Variants in GRIA1 observed in about 807,000 individuals in gnomAD.
The protein encoded by GRIA1 is glutamate receptor 1.
Under a neutral mutation model 99.2 loss-of-function variants are expected in GRIA1, and 31 were observed. The ratio of observed to expected loss-of-function variants is 0.31; its 90% CI spans 0.23 to 0.42. GRIA1 has a LOEUF of 0.42. GRIA1 is among the 10% of genes least tolerant of loss of function. GRIA1 has a pLI of 1.00. For synonymous variants in GRIA1, 438 were observed against 432.4 expected, an observed-to-expected ratio of 1.01 and a Z score of -0.16; for missense variants, 782 against 1,157.5, an observed-to-expected ratio of 0.68 and a Z score of 4.71.
At position 153,702,683 on chromosome 5, in the gene GRIA1, C is replaced by T. The variant is rs533384826; in HGVS notation, c.1453-3014C>T. Among the ~76,000 whole-genome samples the T allele has an allele frequency of 2.0e-5, 3 of 152,328 alleles. No homozygotes were observed. In the South Asian group the frequency reaches 6.2e-4, roughly 32 times the overall value. On this transcript the variant is annotated intron_variant, in intron 10 of 15. Coordinates refer to ENST00000285900, the MANE Select transcript of GRIA1 (RefSeq NM_000827.4). ...ATTAGAAATGCAGATGTTCACATCT[C>T]ACCCCAGGCCCACTGAATCTAGAAA...
intron 13 of GRIA1, among the ~76,000 whole-genome samples, chr5:153,773,741 C>T (rs943496472): frequency 2.2e-4 from 34 of 152,138 alleles, no homozygotes; most frequent in Admixed American, 1.2e-3. Flanking sequence ...AGATCACTGA[C>T]GACTGAACTG....
At chr5:153,519,618 G>T (rs1440945769) in intron 2 of GRIA1, among the ~76,000 whole-genome samples, 1 of 152,054 alleles carries the variant, frequency 6.6e-6, no homozygotes, top group Non-Finnish European at 1.5e-5. Context: ...ATCCAGGAGT[G>T]CAGCCCCTGT....
intron 2 of GRIA1, among the ~76,000 whole-genome samples, chr5:153,614,894 A>T (rs2149414179): frequency 6.6e-6 from 1 of 152,372 alleles, no homozygotes; most frequent in East Asian, 1.9e-4. Flanking sequence ...ACCCAGTGGC[A>T]GGTGGAAAAA....
At chr5:153,699,477 C>T (rs749181519) in intron 10 of GRIA1, among the ~76,000 whole-genome samples, 51 of 152,214 alleles carry the variant, frequency 3.4e-4, no homozygotes, top group Non-Finnish European at 1.2e-4. Context: ...GTTTCATGCT[C>T]TCTCATGAAA....
In GRIA1 at chr5:153,646,950, A is replaced by G; in HGVS notation, c.243A>G (p.Gly81=). ...TYRFCSQFSK[G]VYAIFGFYER... ...TAGTCTGTTCCCAGTTCTCCAAAGG[A>G]GTCTATGCCATCTTTGGGTTTTATG... Residue 81 remains glycine, a synonymous_variant, in exon 3 of 16, where the codon GGA becomes GGG. Coordinates refer to ENST00000285900, the MANE Select transcript of GRIA1 (RefSeq NM_000827.4). The G allele has an allele frequency of 6.2e-7, 1 of 1,613,718 alleles. No individual in the cohort carries two copies.
intron 2 of GRIA1, among the ~76,000 whole-genome samples, chr5:153,574,685 G>A (rs1432921746): frequency 6.6e-6 from 1 of 152,088 alleles, no homozygotes; most frequent in Non-Finnish European, 1.5e-5. Flanking sequence ...GAAAGGGTAA[G>A]CAGCTGTAGT....
chr5:153,754,767 A>G (rs1429591370), intron 11 of GRIA1, among the ~76,000 whole-genome samples: 2 of 152,200 alleles, frequency 1.3e-5, no homozygotes, highest in Non-Finnish European at 2.9e-5. Context: ...AAGACAGACT[A>G]TTTATGCATT....
chr5:153,595,284 C>T (rs1764327958), intron 2 of GRIA1, among the ~76,000 whole-genome samples: 1 of 152,178 alleles, frequency 6.6e-6, no homozygotes, highest in African/African-American at 2.4e-5. Flanking sequence ...AGAAAGTTCA[C>T]AAGGTTAGTT....
chr5:153,592,809 G>A (rs1350693122), intron 2 of GRIA1, among the ~76,000 whole-genome samples: 2 of 152,206 alleles, frequency 1.3e-5, no homozygotes, highest in Non-Finnish European at 2.9e-5. Flanking sequence ...CAAGATCAAT[G>A]TGAGGCCAAT....
intron 11 of GRIA1, among the ~76,000 whole-genome samples, chr5:153,742,972 G>C (rs1329267316): frequency 6.6e-6 from 1 of 152,160 alleles, no homozygotes; most frequent in African/African-American, 2.4e-5. Context: ...CAAATTTTCT[G>C]CCTATCACAC....
At chr5:153,524,947 G>T (rs1049671813) in intron 2 of GRIA1, among the ~76,000 whole-genome samples, 3 of 152,144 alleles carry the variant, frequency 2.0e-5, no homozygotes, top group African/African-American at 7.2e-5. Context: ...TGCTATATTT[G>T]GCAGAACTGT....
At chr5:153,629,167 C>G (rs1255970073) in intron 2 of GRIA1, among the ~76,000 whole-genome samples, 1 of 152,204 alleles carries the variant, frequency 6.6e-6, no homozygotes, top group Admixed American at 6.5e-5. Flanking sequence ...CTTCCGCAGA[C>G]TTAGGCTGTG....
At chr5:153,698,813 A>G in intron 9 of GRIA1, 54 bp from the exon 10 acceptor site, 1 of 1,165,146 alleles carries the variant, frequency 8.6e-7, no homozygotes, top group Non-Finnish European at 1.3e-6. Flanking sequence ...AGTCCTCCCT[A>G]CCCATGGGTG....
At chr5:153,715,240 C>G (rs1394746545) in intron 11 of GRIA1, among the ~76,000 whole-genome samples, 2 of 151,990 alleles carry the variant, frequency 1.3e-5, no homozygotes, top group African/African-American at 4.8e-5. Flanking sequence ...TCCAACCAAG[C>G]CAAGTTGTGC....
At chr5:153,760,850 A>AAAT (rs1214400142) in intron 11 of GRIA1, among the ~76,000 whole-genome samples, 1 of 152,082 alleles carries the variant, frequency 6.6e-6, no homozygotes, top group African/African-American at 2.4e-5. Context: ...TAATGGAACA[A>AAAT]AATAGACAAC....
intron 10 of GRIA1, 113 bp downstream of exon 10, chr5:153,699,186 G>A (rs1042128021): frequency 1.3e-6 from 1 of 742,054 alleles, no homozygotes; most frequent in Non-Finnish European, 2.4e-6. Context: ...CTGTAATTGA[G>A]TGTTGTTGCT....
At chr5:153,615,339 C>T (rs951087970) in intron 2 of GRIA1, among the ~76,000 whole-genome samples, 18 of 152,142 alleles carry the variant, frequency 1.2e-4, no homozygotes, top group African/African-American at 4.1e-4. Flanking sequence ...GAAATAACCA[C>T]CACAATGAAT....
rs373600163 is a variant in GRIA1 at position 153,723,200 on chromosome 5, T to C, written c.1823+17133T>C. 1.3e-4 allele frequency among the ~76,000 whole-genome samples: 20 copies of C among 152,298 alleles called. No homozygotes were observed. The East Asian group carries it at 1.5e-3, about 12-fold the overall frequency. On this transcript the variant is annotated intron_variant, in intron 11 of 15. Transcript: ENST00000285900. ...TTATTGACCCATAGTCTCAACTCAA[T>C]GTGTAAGGAAAGCTGTGGGTTGCAT...
At chr5:153,584,685 C>T (rs1427342542) in intron 2 of GRIA1, among the ~76,000 whole-genome samples, 1 of 152,168 alleles carries the variant, frequency 6.6e-6, no homozygotes, top group East Asian at 1.9e-4. Flanking sequence ...TTCTTGCCTT[C>T]AGATGAGAAT....
Sources: allele counts gnomAD v4.1 joint callset (sites outside exome capture counted in the v4.1 genomes callset), GRCh38; gene constraint gnomAD v4.1.1; transcripts MANE v1.5; gene names NCBI Gene and HGNC (gene_info 2026-07-23, HGNC 2026-07-21).